The following MYO5A variants were observed in gnomAD, a reference collection of about 807,000 sequenced individuals.
The protein encoded by MYO5A is unconventional myosin-Va.
Under a neutral mutation model 249.7 loss-of-function variants are expected in MYO5A, and 98 were observed. The observed-to-expected ratio is 0.39, with a 90% CI of 0.33 to 0.46. The LOEUF is 0.46. MYO5A is among the 20% of genes least tolerant of loss of function. The pLI is 0.98. For missense variants in MYO5A, 1,696 were observed against 2,308.8 expected (o/e 0.73, Z 5.44); for synonymous variants, 778 against 810.6 (o/e 0.96, Z 0.68).
intron 4 of MYO5A, among the ~76,000 whole-genome samples, chr15:52,422,795 C>A (rs1040082368): frequency 6.6e-6 from 1 of 152,156 alleles, no homozygotes; most frequent in African/African-American, 2.4e-5. Flanking sequence ...TGGCCCACTG[C>A]AGCCTTCAAC....
At chr15:52,366,992 G>A (rs1053759597) in intron 23 of MYO5A, 39 bp downstream of exon 23, 2 of 1,462,182 alleles carry the variant, frequency 1.4e-6, no homozygotes, top group African/African-American at 2.8e-5. Flanking sequence ...TAACTTTGGT[G>A]TGAGGTTGGT....
chr15:52,386,838 A>C (rs1403902830), intron 14 of MYO5A, among the ~76,000 whole-genome samples: 1 of 152,164 alleles, frequency 6.6e-6, no homozygotes, highest in Non-Finnish European at 1.5e-5. Context: ...ATGAGCTACA[A>C]CACCTGGTCT....
chr15:52,431,246 A>AAAAAAAAAAAAAAAC (rs57077086), intron 2 of MYO5A, among the ~76,000 whole-genome samples: 1 of 144,538 alleles, frequency 6.9e-6, no homozygotes, highest in Admixed American at 6.9e-5. Flanking sequence ...AAAAAAAAAA[A>AAAAAAAAAAAAAAAC]GTCTAGTGCA....
intron 34 of MYO5A, 148 bp from the exon 35 acceptor site, chr15:52,330,647 TTC>T: frequency 6.2e-6 from 6 of 968,768 alleles, no homozygotes; most frequent in Non-Finnish European, 9.1e-6. Flanking sequence ...AATAATTTTT[TTC>T]TGTTAAAATT....
intron 1 of MYO5A, among the ~76,000 whole-genome samples, chr15:52,496,700 TA>T (rs748041598): frequency 6.6e-6 from 1 of 152,228 alleles, no homozygotes; most frequent in Non-Finnish European, 1.5e-5. Flanking sequence ...CATAACACCT[TA>T]GTAGACTATG....
chr15:52,334,149 G>C (rs1349832192), intron 34 of MYO5A, among the ~76,000 whole-genome samples: 1 of 152,100 alleles, frequency 6.6e-6, no homozygotes, highest in Non-Finnish European at 1.5e-5. Flanking sequence ...CTTAAGATTA[G>C]TAATATCTTA....
chr15:52,397,127 T>A, intron 10 of MYO5A, 74 bp downstream of exon 10: 2 of 1,544,728 alleles, frequency 1.3e-6, no homozygotes, highest in Non-Finnish European at 1.8e-6. Flanking sequence ...CAGAATCAAA[T>A]GCCCACTTAG....
At position 52,313,445 on chromosome 15, in the gene MYO5A, C is replaced by T; in HGVS notation, c.*251G>A. ...CTTCCTCCCTTCCTTCCATCATTCTCCTGTATGTAAACTCACGGTACCTAG... is the reference window on the plus strand; with the variant it reads ...CTTCCTCCCTTCCTTCCATCATTCTTCTGTATGTAAACTCACGGTACCTAG... On this transcript the variant is annotated 3_prime_UTR_variant, in exon 42 of 42. Transcript: ENST00000399233. 1 of 484,690 alleles carries T rather than the reference C, an allele frequency of 2.1e-6. No individual in the cohort carries two copies. Among genetic ancestry groups the T allele is most frequent in the South Asian group, 2.2e-5 (1 of 46,070 alleles). 30.0% of individuals were successfully genotyped at this position (484,690 alleles called of 1,614,324 possible).
chr15:52,359,892 C>T, intron 25 of MYO5A, 76 bp downstream of exon 25: 1 of 1,032,876 alleles, frequency 9.7e-7, no homozygotes, highest in East Asian at 2.5e-5. Flanking sequence ...TTGGAGTCTG[C>T]TTTGCAATGG....
At chr15:52,510,675 T>C (rs764603677) in intron 1 of MYO5A, among the ~76,000 whole-genome samples, 14 of 152,198 alleles carry the variant, frequency 9.2e-5, no homozygotes, top group South Asian at 4.1e-4. Context: ...AGAATCTAAC[T>C]AATGCCTGAT....
At chr15:52,522,906 A>G (rs2077652347) in intron 1 of MYO5A, among the ~76,000 whole-genome samples, 1 of 151,942 alleles carries the variant, frequency 6.6e-6, no homozygotes, top group African/African-American at 2.4e-5. Context: ...AGCAATTCTC[A>G]TTAGAATCAG....
intron 1 of MYO5A, among the ~76,000 whole-genome samples, chr15:52,525,843 G>A (rs539622283): frequency 2.6e-5 from 4 of 152,258 alleles, no homozygotes; most frequent in Admixed American, 1.3e-4. Flanking sequence ...CCAGCTGTCT[G>A]CCTGCTGTTG....
At chr15:52,388,168 TG>T (rs1269119591) in intron 13 of MYO5A, among the ~76,000 whole-genome samples, 2 of 152,142 alleles carry the variant, frequency 1.3e-5, no homozygotes. Flanking sequence ...TCTCAGTTAG[TG>T]GGTGAGCAGA....
chr15:52,331,431 T>G lies in MYO5A; in HGVS notation c.4409-932A>C, dbSNP rs1463120454. Among the ~76,000 whole-genome samples, 5 of 152,334 alleles carry G rather than the reference T, an allele frequency of 3.3e-5. No individual in the cohort carries two copies. The East Asian group carries it at 9.6e-4, about 29-fold the overall frequency. Reference sequence around the variant, plus strand: ...GACATATGAGTTACCACAGCCACTGTGGAGATACACGCTAGTAACCAGGTT... The same window carrying G: ...GACATATGAGTTACCACAGCCACTGGGGAGATACACGCTAGTAACCAGGTT... On this transcript the variant is annotated intron_variant, in intron 34 of 41. Transcript: ENST00000399233.
intron 1 of MYO5A, among the ~76,000 whole-genome samples, chr15:52,501,512 T>C (rs951818811): frequency 3.3e-5 from 5 of 152,026 alleles, no homozygotes; most frequent in African/African-American, 1.2e-4. Context: ...GGTGGGAGAA[T>C]TGCTTTAGCC....
chr15:52,514,370 G>T (rs1055503098), intron 1 of MYO5A, among the ~76,000 whole-genome samples: 3 of 152,208 alleles, frequency 2.0e-5, no homozygotes, highest in Non-Finnish European at 4.4e-5. Flanking sequence ...GCAAAGGGGA[G>T]ATAGACAACT....
At chr15:52,337,598 C>G (rs1438435799) in intron 33 of MYO5A, among the ~76,000 whole-genome samples, 1 of 152,176 alleles carries the variant, frequency 6.6e-6, no homozygotes, top group Non-Finnish European at 1.5e-5. Context: ...ACACTGTAAG[C>G]CTAGTGTTAA....
intron 1 of MYO5A, among the ~76,000 whole-genome samples, chr15:52,481,167 G>A (rs537876311): frequency 3.2e-4 from 49 of 152,262 alleles, no homozygotes; most frequent in African/African-American, 9.9e-4. Context: ...AGTCAGCACC[G>A]GTGCAGTAAA....
chr15:52,487,232 A>G (rs1254187412), intron 1 of MYO5A, among the ~76,000 whole-genome samples: 2 of 152,068 alleles, frequency 1.3e-5, no homozygotes, highest in African/African-American at 4.8e-5. Flanking sequence ...CCTGGGCAAC[A>G]TAGGGAAACC....
Sources: allele counts gnomAD v4.1 joint callset (sites outside exome capture counted in the v4.1 genomes callset), GRCh38; gene constraint gnomAD v4.1.1; transcripts MANE v1.5; gene names NCBI Gene and HGNC (gene_info 2026-07-23, HGNC 2026-07-21).